The following GYPC variants were observed in gnomAD, a reference collection of about 807,000 sequenced individuals.
The protein encoded by GYPC is glycophorin C (Gerbich blood group), also known as glycophorin-C.
Under a neutral mutation model 12.6 loss-of-function variants are expected in GYPC, and 14 were observed. The ratio of observed to expected loss-of-function variants is 1.11; its 90% CI spans 0.74 to 1.74. The LOEUF (loss-of-function observed/expected upper bound fraction) is 1.74, where lower values mean the gene tolerates loss of function less well. GYPC is among the 40% of genes most tolerant of loss of function. The probability of loss-of-function intolerance (pLI) is 0.00; values close to 1 mark genes in which losing one functional copy is unlikely to be tolerated. For synonymous variants in GYPC, 78 were observed against 62.1 expected (o/e 1.26, Z -1.20); for missense variants, 225 against 172.1 (o/e 1.31, Z -1.72).
At chr2:126,677,312 TG>T (rs1683020192) in intron 1 of GYPC, among the ~76,000 whole-genome samples, 1 of 151,212 alleles carries the variant, frequency 6.6e-6, no homozygotes, top group Non-Finnish European at 1.5e-5. Context: ...TGTGAGTGTG[TG>T]TGAGAATGTG....
chr2:126,695,804 G>C (rs1197077502), intron 3 of GYPC, 142 bp from the exon 4 acceptor site: 1 of 733,902 alleles, frequency 1.4e-6, no homozygotes, highest in African/African-American at 1.7e-5. Flanking sequence ...ACAGGAACCT[G>C]GCTCCCATCA....
intron 1 of GYPC, chr2:126,680,103 G>A (rs1003509898): frequency 6.6e-6 from 1 of 152,126 alleles, no homozygotes; most frequent in African/African-American, 2.4e-5. Flanking sequence ...CAACTCCAGT[G>A]GGGGGTCCAG....
intron 1 of GYPC, chr2:126,680,064 CA>C (rs1294951910): frequency 6.6e-6 from 1 of 152,120 alleles, no homozygotes; most frequent in Admixed American, 6.6e-5. Context: ...GTTCCGAGGC[CA>C]TAGTATTAAT....
At chr2:126,691,253 C>T (rs1430164916) in intron 2 of GYPC, among the ~76,000 whole-genome samples, 1 of 152,154 alleles carries the variant, frequency 6.6e-6, no homozygotes, top group African/African-American at 2.4e-5. Context: ...AAGTAAATGC[C>T]CAAACTCAAA....
rs1414224413 is a variant in GYPC, at chr2:126,693,931, C to T, written c.174C>T (p.Asp58=). The T allele has an allele frequency of 1.2e-6, 2 of 1,607,856 alleles. No homozygotes were observed. The highest frequency in any genetic ancestry group is 1.7e-5 in the Admixed American group (1 of 59,960). Residue 58 remains aspartate, a synonymous_variant, in exon 3 of 4, where the codon GAC becomes GAT. Coordinates refer to ENST00000259254, the MANE Select transcript of GYPC (RefSeq NM_002101.5). The part of the protein sequence containing the change: ...RMETSTPTIM[D]IVVIAGVIAA... ...AGACCTCCACCCCCACCATAATGGACATTGTCGTCATTGCAGGTGAGCTCT... is the reference window on the plus strand; with the variant it reads ...AGACCTCCACCCCCACCATAATGGATATTGTCGTCATTGCAGGTGAGCTCT...
intron 1 of GYPC, among the ~76,000 whole-genome samples, chr2:126,687,075 G>A (rs1347639726): frequency 6.6e-6 from 1 of 152,148 alleles, no homozygotes; most frequent in African/African-American, 2.4e-5. Context: ...GTAAGGGAGT[G>A]CGCCAAGGGG....
chr2:126,677,286 TGAGTGTGTTA>T (rs1455536717), intron 1 of GYPC, among the ~76,000 whole-genome samples: 4 of 151,706 alleles, frequency 2.6e-5, no homozygotes, highest in Middle Eastern at 3.4e-3. Context: ...TGAGAGTGTG[TGAGTGTGTTA>T]GAGTGTGTGA....
chr2:126,679,400 C>T (rs527652655), intron 1 of GYPC, among the ~76,000 whole-genome samples: 3 of 151,892 alleles, frequency 2.0e-5, no homozygotes, highest in East Asian at 3.9e-4. Context: ...GACTATTGAG[C>T]GACTTAGAGA....
chr2:126,660,015 C>T (rs1213667984), intron 1 of GYPC, among the ~76,000 whole-genome samples: 2 of 152,188 alleles, frequency 1.3e-5, no homozygotes, highest in African/African-American at 4.8e-5. Flanking sequence ...GGGAGATAAG[C>T]CGCCATAGGG....
intron 1 of GYPC, among the ~76,000 whole-genome samples, chr2:126,669,031 C>T (rs1283642588): frequency 6.6e-6 from 1 of 152,144 alleles, no homozygotes; most frequent in Non-Finnish European, 1.5e-5. Flanking sequence ...TATAATTCCC[C>T]CAACGTAAAT....
rs1047449077 is a variant in GYPC, at chr2:126,681,964, A to G, written c.50-8291A>G. 3.9e-5 allele frequency among the ~76,000 whole-genome samples: 6 copies of G among 152,194 alleles called. No homozygotes were observed. In the South Asian group the frequency reaches 1.2e-3, roughly 31 times the overall value. Reference sequence around the variant, plus strand: ...AGATGCCTGGCCCTGAGCCTGGCAGATGGGTGACCCCAGGAGCATGGTGCG... The same window carrying G: ...AGATGCCTGGCCCTGAGCCTGGCAGGTGGGTGACCCCAGGAGCATGGTGCG... On this transcript the variant is annotated intron_variant, in intron 1 of 3. Transcript: ENST00000259254.
intron 1 of GYPC, among the ~76,000 whole-genome samples, chr2:126,663,976 CTCTCT>C (rs1405817082): frequency 6.7e-6 from 1 of 149,842 alleles, no homozygotes; most frequent in East Asian, 2.0e-4. Context: ...CTCTCTCTCT[CTCTCT>C]CTCTCTCTCT....
chr2:126,683,165 A>G (rs1416564535), intron 1 of GYPC, among the ~76,000 whole-genome samples: 1 of 152,132 alleles, frequency 6.6e-6, no homozygotes, highest in African/African-American at 2.4e-5. Context: ...CTGAAAATAC[A>G]AAAATTAGCC....
chr2:126,694,058 T>A, intron 3 of GYPC, 111 bp downstream of exon 3: 1 of 774,594 alleles, frequency 1.3e-6, no homozygotes. Flanking sequence ...TGGCCATTTT[T>A]TCTCTCCCTC....
In GYPC at chr2:126,693,861, C is replaced by T. The variant is rs367719773; in HGVS notation, c.107-3C>T. 154 of 1,600,480 alleles carry T rather than the reference C, an allele frequency of 9.6e-5. No individual in the cohort carries two copies. The African/African-American group carries it at 2.0e-3, about 20-fold the overall frequency. On this transcript the variant is annotated splice_region_variant and splice_polypyrimidine_tract_variant and intron_variant, in intron 2 of 3. Transcript: ENST00000259254. Reference sequence around the variant, plus strand: ...ACCTCAGATTCTTGTCCTCTGTTCACAGAGCCTGATCCAGGGATGTCTGGA... The same window carrying T: ...ACCTCAGATTCTTGTCCTCTGTTCATAGAGCCTGATCCAGGGATGTCTGGA...
chr2:126,677,960 G>A (rs1342820337), intron 1 of GYPC, among the ~76,000 whole-genome samples: 4 of 152,204 alleles, frequency 2.6e-5, no homozygotes, highest in Admixed American at 6.5e-5. Context: ...AGCGGCTCAC[G>A]CCTGTAATCC....
rs564644193 is a variant in GYPC at position 126,663,316 on chromosome 2, A to G, written c.49+7004A>G. 5.3e-4 allele frequency among the ~76,000 whole-genome samples: 80 copies of G among 152,306 alleles called. 3 individuals carry two copies. In the South Asian group the frequency reaches 0.01, roughly 19 times the overall value. On this transcript the variant is annotated intron_variant, in intron 1 of 3. Transcript: ENST00000259254. Reference sequence around the variant, plus strand: ...CTCCCAAAGTGCTGGGATTATAGGCATGAGCCACCACGCCCAGCCTCCTTC... The same window carrying G: ...CTCCCAAAGTGCTGGGATTATAGGCGTGAGCCACCACGCCCAGCCTCCTTC...
intron 1 of GYPC, among the ~76,000 whole-genome samples, chr2:126,663,901 T>G (rs1682608183): frequency 6.6e-6 from 1 of 151,866 alleles, no homozygotes; most frequent in South Asian, 2.1e-4. Context: ...CCTTTTTCCT[T>G]CATGCTCCCC....
chr2:126,662,705 G>A lies in GYPC; in HGVS notation c.49+6393G>A, dbSNP rs1296073076. On this transcript the variant is annotated intron_variant, in intron 1 of 3. Coordinates refer to ENST00000259254, the MANE Select transcript of GYPC (RefSeq NM_002101.5). Reference sequence around the variant, plus strand: ...CTCTGCAAATTCTACGGCTAGTCCTGAACCTGTCAATGGAGCTAATAACAG... The same window carrying A: ...CTCTGCAAATTCTACGGCTAGTCCTAAACCTGTCAATGGAGCTAATAACAG... Among the ~76,000 whole-genome samples, 9 of 152,302 alleles carry A rather than the reference G, an allele frequency of 5.9e-5. No individual in the cohort carries two copies. In the East Asian group the frequency reaches 1.5e-3, roughly 26 times the overall value.
Sources: allele counts gnomAD v4.1 joint callset (sites outside exome capture counted in the v4.1 genomes callset), GRCh38; gene constraint gnomAD v4.1.1; transcripts MANE v1.5; gene names NCBI Gene and HGNC (gene_info 2026-07-23, HGNC 2026-07-21).